The following TRIQK variants were observed in gnomAD, a reference collection of about 807,000 sequenced individuals.
TRIQK encodes the protein triple QxxK/R motif containing.
A neutral mutation model predicts 10.8 loss-of-function variants in TRIQK; 10 were observed. The observed-to-expected ratio is 0.92, with a 90% CI of 0.57 to 1.57. The LOEUF is 1.57. TRIQK is among the 40% of genes most tolerant of loss of function. TRIQK has a pLI of 0.00. For missense variants in TRIQK, 107 were observed against 97.7 expected (o/e 1.09, Z -0.40); for synonymous variants, 33 against 33.7 (o/e 0.98, Z 0.07).
chr8:92,906,161 T>C (rs1179938559), intron 3 of TRIQK, among the ~76,000 whole-genome samples: 2 of 152,146 alleles, frequency 1.3e-5, no homozygotes, highest in African/African-American at 4.8e-5. Flanking sequence ...TCAGTTTACC[T>C]GGAAACAGAG....
chr8:92,951,132 C>T (rs1229349697), intron 2 of TRIQK, among the ~76,000 whole-genome samples: 1 of 150,190 alleles, frequency 6.7e-6, no homozygotes, highest in Non-Finnish European at 1.5e-5. Context: ...ATTTTTATTG[C>T]TTTTTTTTTA....
rs187885624 is a variant in TRIQK, at chr8:92,895,853, T to C, written c.62-3779A>G. Among the ~76,000 whole-genome samples the C allele has an allele frequency of 9.1e-4, 139 of 152,052 alleles. 1 individual carries two copies. Among genetic ancestry groups the C allele is most frequent in the Admixed American group, 1.7e-3 (26 of 15,274 alleles). On this transcript the variant is annotated intron_variant, in intron 3 of 4. Transcript: ENST00000521988. ...TGCAAAAAAAGAAATGACTAAAAGG[T>C]AAAATTTACAATTAAAAGAGAAACA...
intron 1 of TRIQK, among the ~76,000 whole-genome samples, chr8:92,995,430 GC>G (rs1813143922): frequency 6.6e-6 from 1 of 151,924 alleles, no homozygotes; most frequent in Non-Finnish European, 1.5e-5. Context: ...TATTCAGTGA[GC>G]CTTTTCAATC....
At chr8:93,002,738 G>T (rs1813226415) in intron 1 of TRIQK, among the ~76,000 whole-genome samples, 1 of 152,020 alleles carries the variant, frequency 6.6e-6, no homozygotes, top group African/African-American at 2.4e-5. Context: ...TGGCCAACAT[G>T]GCGAAACCCC....
chr8:93,013,162 G>A (rs545435541), intron 1 of TRIQK, among the ~76,000 whole-genome samples: 15 of 152,278 alleles, frequency 9.9e-5, no homozygotes, highest in East Asian at 9.6e-4. Context: ...GTGATTAGAC[G>A]AGACGGCAAT....
intron 1 of TRIQK, among the ~76,000 whole-genome samples, chr8:92,978,428 T>G (rs984541946): frequency 4.6e-5 from 7 of 152,182 alleles, no homozygotes; most frequent in Non-Finnish European, 1.0e-4. Flanking sequence ...ATCCAATTTC[T>G]GTTAGTTCAT....
At chr8:93,008,369 G>A (rs987482619) in intron 1 of TRIQK, among the ~76,000 whole-genome samples, 1 of 152,018 alleles carries the variant, frequency 6.6e-6, no homozygotes, top group Non-Finnish European at 1.5e-5. Context: ...AGTCTTCGAT[G>A]GGAAGAATTA....
chr8:92,893,725 G>A (rs1816874237), intron 3 of TRIQK, among the ~76,000 whole-genome samples: 1 of 151,834 alleles, frequency 6.6e-6, no homozygotes, highest in Admixed American at 6.6e-5. Context: ...AAGGCCTCCG[G>A]TCAGGGTTAC....
intron 2 of TRIQK, among the ~76,000 whole-genome samples, chr8:92,927,620 G>A (rs1263519094): frequency 6.6e-6 from 1 of 152,080 alleles, no homozygotes; most frequent in African/African-American, 2.4e-5. Context: ...AAACATTATG[G>A]CAGATATGTT....
At chr8:92,894,569 C>T (rs1031328903) in intron 3 of TRIQK, among the ~76,000 whole-genome samples, 4 of 152,022 alleles carry the variant, frequency 2.6e-5, no homozygotes, top group African/African-American at 9.7e-5. Flanking sequence ...TTGACAGTTG[C>T]TCATTAAATC....
intron 4 of TRIQK, 72 bp downstream of exon 4, chr8:92,891,917 T>G: frequency 9.5e-7 from 1 of 1,049,952 alleles, no homozygotes; most frequent in Middle Eastern, 2.2e-4. Context: ...ATTCAACATT[T>G]ATGCAATCCA....
chr8:92,960,061 A>T (rs1270811304), intron 1 of TRIQK, among the ~76,000 whole-genome samples: 1 of 151,926 alleles, frequency 6.6e-6, no homozygotes, highest in Admixed American at 6.6e-5. Context: ...GTGTCTCTTT[A>T]AGTTGTCATG....
chr8:92,923,669 T>C (rs926539629), intron 2 of TRIQK, among the ~76,000 whole-genome samples: 3 of 151,890 alleles, frequency 2.0e-5, no homozygotes, highest in Admixed American at 2.0e-4. Flanking sequence ...ATTAAAATAA[T>C]TCAGTTAATT....
intron 1 of TRIQK, among the ~76,000 whole-genome samples, chr8:92,971,942 G>A (rs901558339): frequency 1.3e-5 from 2 of 152,030 alleles, no homozygotes; most frequent in African/African-American, 4.8e-5. Context: ...TATTTTGAAG[G>A]TCTGTTACTA....
intron 3 of TRIQK, among the ~76,000 whole-genome samples, chr8:92,916,444 C>A (rs1809849024): frequency 1.3e-5 from 2 of 152,212 alleles, no homozygotes; most frequent in South Asian, 4.1e-4. Context: ...ATCCTTCTTT[C>A]ACATATGACC....
intron 4 of TRIQK, among the ~76,000 whole-genome samples, chr8:92,891,061 C>T (rs908544468): frequency 2.0e-5 from 3 of 151,572 alleles, no homozygotes; most frequent in Non-Finnish European, 2.9e-5. Context: ...CTGCATCACA[C>T]GGCAATGCTT....
Position 92,899,567 on chromosome 8 carries a change from G to A in TRIQK, c.62-7493C>T, listed in dbSNP as rs975158352. Among the ~76,000 whole-genome samples, 13 of 152,042 alleles carry A rather than the reference G, an allele frequency of 8.6e-5. No homozygotes were observed. The South Asian group carries it at 1.5e-3, about 17-fold the overall frequency. ...GACCTCCAGTTACATCCATGTTGTCGCAAATGACAGGATCTCATTCTTTTT... is the reference window on the plus strand; with the variant it reads ...GACCTCCAGTTACATCCATGTTGTCACAAATGACAGGATCTCATTCTTTTT... On this transcript the variant is annotated intron_variant, in intron 3 of 4. Coordinates refer to ENST00000521988, the MANE Select transcript of TRIQK (RefSeq NM_001171797.2).
At chr8:93,008,523 C>A (rs956859993) in intron 1 of TRIQK, among the ~76,000 whole-genome samples, 2 of 152,028 alleles carry the variant, frequency 1.3e-5, no homozygotes, top group Non-Finnish European at 2.9e-5. Flanking sequence ...TACAAATTAC[C>A]TTAAGAATCC....
At chr8:92,951,757 C>T (rs1270147688) in intron 2 of TRIQK, among the ~76,000 whole-genome samples, 1 of 152,116 alleles carries the variant, frequency 6.6e-6, no homozygotes, top group Non-Finnish European at 1.5e-5. Context: ...CAAAGGCTAA[C>T]TTGCTGGGTA....
Sources: allele counts gnomAD v4.1 joint callset (sites outside exome capture counted in the v4.1 genomes callset), GRCh38; gene constraint gnomAD v4.1.1; transcripts MANE v1.5; gene names NCBI Gene and HGNC (gene_info 2026-07-23, HGNC 2026-07-21).